VPS26A: variants seen among roughly 807,000 people sequenced by gnomAD.
VPS26A encodes vacuolar protein sorting-associated protein 26A.
In VPS26A, 22 loss-of-function variants were observed where a neutral mutation model predicts 42.4. That is an observed-to-expected ratio of 0.52 (90% confidence interval 0.37 to 0.74). The LOEUF is 0.74. Among genes scored for constraint, VPS26A ranks in the 30% least tolerant of loss-of-function variants. The pLI is 0.00. For missense variants in VPS26A, 276 were observed against 379.2 expected (o/e 0.73, Z 2.26); for synonymous variants, 110 against 123.5 (o/e 0.89, Z 0.73).
Position 69,157,143 on chromosome 10 carries a change from C to T in VPS26A, c.366C>T (p.Ile122=), listed in dbSNP as rs750841098. Residue 122 remains isoleucine, a synonymous_variant, in exon 4 of 9, where the codon ATC becomes ATT. Transcript: ENST00000263559. The part of the protein sequence containing the change: ...MQVEKPYESY[I]GANVRLRYFL... ...TTGAAAAGCCATATGAATCTTACAT[C>T]GGTGCCAATGTCCGCTTGAGGTATG... 9.3e-6 allele frequency: 15 copies of T among 1,612,430 alleles called. 1 individual carries two copies. The highest frequency in any genetic ancestry group is 3.3e-5 in the South Asian group (3 of 90,930).
rs1334078953 is a variant in VPS26A at position 69,173,954 on chromosome 10, A to G, written c.*2685A>G. On this transcript the variant is annotated 3_prime_UTR_variant, in exon 9 of 9. Transcript: ENST00000263559. ...GGTTGCAGTGAGCCGAGATCACACC[A>G]ATGCACTCCAGCCTGGCTAGAAGTT... 6.6e-6 allele frequency among the ~76,000 whole-genome samples: 1 copy of G among 152,184 alleles called. No individual in the cohort carries two copies. The highest frequency in any genetic ancestry group is 1.5e-5 in the Non-Finnish European group (1 of 68,030).
At chr10:69,136,853 G>A (rs1040676951) in intron 2 of VPS26A, among the ~76,000 whole-genome samples, 2 of 151,840 alleles carry the variant, frequency 1.3e-5, no homozygotes, top group African/African-American at 2.4e-5. Context: ...GTGCGATGGC[G>A]TGATCTCGGC....
chr10:69,144,315 G>A (rs1391068617), intron 2 of VPS26A, among the ~76,000 whole-genome samples: 2 of 152,090 alleles, frequency 1.3e-5, no homozygotes, highest in Non-Finnish European at 2.9e-5. Flanking sequence ...TACATTTTCT[G>A]GGTTTTGATA....
At chr10:69,168,760 T>C (rs1015043555) in intron 8 of VPS26A, 129 bp downstream of exon 8, 3 of 1,161,912 alleles carry the variant, frequency 2.6e-6, no homozygotes, top group African/African-American at 3.1e-5. Flanking sequence ...GTGGGTATGA[T>C]AGATAAAGAA....
At position 69,158,096 on chromosome 10, in the gene VPS26A, G is replaced by A; in HGVS notation, c.436G>A (p.Glu146Lys). 6.2e-7 allele frequency: 1 copy of A among 1,612,834 alleles called. No individual in the cohort carries two copies. The highest frequency in any genetic ancestry group is 8.5e-7 in the Non-Finnish European group (1 of 1,179,534). Residue 146 changes from glutamate to lysine, a missense_variant, in exon 5 of 9, where the codon GAG (glutamate) becomes AAG (lysine). By Grantham distance (56) the Glu-to-Lys change is moderately conservative. Coordinates refer to ENST00000263559, the MANE Select transcript of VPS26A (RefSeq NM_004896.5). Reference sequence around the variant, plus strand: ...GAGAAGACTGACAGATTTGGTAAAAGAGTATGATCTTATTGTTCACCAGCT... The same window carrying A: ...GAGAAGACTGACAGATTTGGTAAAAAAGTATGATCTTATTGTTCACCAGCT... Reference protein sequence around the residue: ...IVRRLTDLVKEYDLIVHQLAT... With the variant: ...IVRRLTDLVKKYDLIVHQLAT...
At position 69,158,098 on chromosome 10, in the gene VPS26A, G is replaced by C; in HGVS notation, c.438G>C (p.Glu146Asp). 5.0e-6 allele frequency: 8 copies of C among 1,613,078 alleles called. No homozygotes were observed. The highest frequency in any genetic ancestry group is 1.7e-6 in the Non-Finnish European group (2 of 1,179,616). ...IVRRLTDLVK[E>D]YDLIVHQLAT... ...GAAGACTGACAGATTTGGTAAAAGAGTATGATCTTATTGTTCACCAGCTTG... is the reference window on the plus strand; with the variant it reads ...GAAGACTGACAGATTTGGTAAAAGACTATGATCTTATTGTTCACCAGCTTG... The change falls in exon 5 of 9, where the codon GAG becomes GAC. Residue 146 changes from glutamate (E) to aspartate (D), a missense_variant. Coordinates refer to ENST00000263559, the MANE Select transcript of VPS26A (RefSeq NM_004896.5).
In VPS26A at chr10:69,150,874, A is replaced by G. The variant is rs373928520; in HGVS notation, c.154-4938A>G. On this transcript the variant is annotated intron_variant, in intron 2 of 8. Coordinates refer to ENST00000263559, the MANE Select transcript of VPS26A (RefSeq NM_004896.5). Reference sequence around the variant, plus strand: ...TAAAACTTGTGCTGAATCTGGGTAAAGGTTATGTGAGATTTCCTTGTGCTA... The same window carrying G: ...TAAAACTTGTGCTGAATCTGGGTAAGGGTTATGTGAGATTTCCTTGTGCTA... Among the ~76,000 whole-genome samples, 405 of 152,272 alleles carry G rather than the reference A, an allele frequency of 2.7e-3. 1 individual carries two copies. Among genetic ancestry groups the G allele is most frequent in the South Asian group, 4.4e-3 (21 of 4,824 alleles).
At chr10:69,126,473 A>T (rs1385961799) in intron 1 of VPS26A, among the ~76,000 whole-genome samples, 1 of 151,736 alleles carries the variant, frequency 6.6e-6, no homozygotes, top group Non-Finnish European at 1.5e-5. Context: ...AGGCTGAGGC[A>T]GGAGAATCAA....
intron 6 of VPS26A, among the ~76,000 whole-genome samples, chr10:69,164,841 GT>G (rs1841650577): frequency 6.6e-6 from 1 of 151,798 alleles, no homozygotes; most frequent in Non-Finnish European, 1.5e-5. Context: ...TGGCTGACCA[GT>G]TGTCCTGATA....
intron 2 of VPS26A, among the ~76,000 whole-genome samples, chr10:69,154,909 A>G (rs1437083420): frequency 1.3e-5 from 2 of 152,176 alleles, no homozygotes; most frequent in East Asian, 1.9e-4. Flanking sequence ...GCGTGCACAT[A>G]TATATATTTT....
chr10:69,128,858 T>G (rs1387167657), intron 1 of VPS26A, among the ~76,000 whole-genome samples: 1 of 151,274 alleles, frequency 6.6e-6, no homozygotes, highest in African/African-American at 2.4e-5. Flanking sequence ...GAGCCAGGTG[T>G]TGTGGCTCAC....
In VPS26A at chr10:69,171,494, G is replaced by T; in HGVS notation, c.*225G>T. 4 of 352,280 alleles carry T rather than the reference G, an allele frequency of 1.1e-5. No homozygotes were observed. Among genetic ancestry groups the T allele is most frequent in the Admixed American group, 5.0e-5 (1 of 19,924 alleles). The allele number at this position is 352,280 out of a possible 1,614,324, so 21.8% of individuals were successfully genotyped here. On this transcript the variant is annotated 3_prime_UTR_variant, in exon 9 of 9. Transcript: ENST00000263559. Reference sequence around the variant, plus strand: ...GCTTTCTTTGAAACACTGGAACTTTGTTAAGCTGCCTTTTTTTTTTTAACT... The same window carrying T: ...GCTTTCTTTGAAACACTGGAACTTTTTTAAGCTGCCTTTTTTTTTTTAACT...
chr10:69,131,910 C>G (rs556405689), intron 1 of VPS26A, among the ~76,000 whole-genome samples: 2 of 150,338 alleles, frequency 1.3e-5, no homozygotes, highest in Non-Finnish European at 1.5e-5. Flanking sequence ...TGTATTATTA[C>G]CAACTGATGT....
chr10:69,155,747 A>G, intron 2 of VPS26A, 65 bp from the exon 3 acceptor site: 2 of 1,220,990 alleles, frequency 1.6e-6, no homozygotes, highest in Non-Finnish European at 2.4e-6. Flanking sequence ...TTCATCTGAA[A>G]GGAAGCTACT....
intron 2 of VPS26A, among the ~76,000 whole-genome samples, chr10:69,145,018 G>A (rs903283102): frequency 1.3e-5 from 2 of 151,408 alleles, no homozygotes; most frequent in African/African-American, 4.9e-5. Context: ...TCCTATAAAT[G>A]TTATTTAATT....
At chr10:69,125,161 A>G (rs1398403015) in intron 1 of VPS26A, among the ~76,000 whole-genome samples, 5 of 152,192 alleles carry the variant, frequency 3.3e-5, no homozygotes, top group African/African-American at 4.8e-5. Context: ...CTCTTCCCAA[A>G]GCTCACTGAT....
intron 2 of VPS26A, among the ~76,000 whole-genome samples, chr10:69,135,476 C>T (rs1338066681): frequency 6.6e-6 from 1 of 152,104 alleles, no homozygotes; most frequent in Non-Finnish European, 1.5e-5. Context: ...GGTGTGGTGG[C>T]TCATGCCTGT....
At chr10:69,137,517 C>T (rs1406862504) in intron 2 of VPS26A, among the ~76,000 whole-genome samples, 1 of 152,184 alleles carries the variant, frequency 6.6e-6, no homozygotes, top group East Asian at 1.9e-4. Context: ...CAGATCCTTG[C>T]TGAGTGGCCC....
chr10:69,167,742 C>CAAAAAAAAAAAA (rs35974356), intron 7 of VPS26A, among the ~76,000 whole-genome samples: 2 of 66,324 alleles, frequency 3.0e-5, no homozygotes, highest in Non-Finnish European at 5.5e-5. Flanking sequence ...GACTCCATCT[C>CAAAAAAAAAAAA]AAAAAAAAAA....
Sources: gnomAD v4.1 joint callset for allele counts (sites outside exome capture counted in the v4.1 genomes callset) on GRCh38, gnomAD v4.1.1 for gene constraint, MANE v1.5 for transcripts, NCBI Gene and HGNC (gene_info 2026-07-23, HGNC 2026-07-21) for gene names.